The following AP5B1 variants were observed in gnomAD, a reference collection of about 807,000 sequenced individuals.
AP5B1 encodes adaptor related protein complex 5 subunit beta 1.
AP5B1 carries 3 observed loss-of-function variants against 5.7 expected under a neutral mutation model. That is an observed-to-expected ratio of 0.53 (90% CI 0.24 to 1.36). AP5B1 has a LOEUF of 1.36. AP5B1 is among the 40% of genes most tolerant of loss of function. The probability of loss-of-function intolerance (pLI) is 0.17; values close to 1 mark genes in which losing one functional copy is unlikely to be tolerated. For synonymous variants in AP5B1, 696 were observed against 555.5 expected, an observed-to-expected ratio of 1.25 and a Z score of -3.56; for missense variants, 1,310 against 1,143.2, an observed-to-expected ratio of 1.15 and a Z score of -2.10.
rs763900912 is a variant in AP5B1, at chr11:65,779,871, C to A, written c.622G>T (p.Gly208Trp). The change falls in exon 2 of 2, where the codon GGG becomes TGG. Residue 208 changes from glycine to tryptophan, a missense_variant. Transcript: ENST00000532090. The part of the protein sequence containing the change: ...VLQSRVGAGL[G>W]GLLTDKVSPT... The stretch of plus-strand genomic sequence containing the variant: ...GAGACCTTATCCGTGAGCAGTCCCC[C>A]CAGGCCAGCCCCAACCCGGGACTGG... 3 of 1,595,914 alleles carry A rather than the reference C, an allele frequency of 1.9e-6. No individual in the cohort carries two copies. Among genetic ancestry groups the A allele is most frequent in the South Asian group, 1.1e-5 (1 of 89,038 alleles).
Position 65,778,423 on chromosome 11 carries a change from G to T in AP5B1, c.2070C>A (p.Ile690=). The T allele has an allele frequency of 6.3e-7, 1 of 1,583,888 alleles. No individual in the cohort carries two copies. Among genetic ancestry groups the T allele is most frequent in the Non-Finnish European group, 8.6e-7 (1 of 1,168,612 alleles). The change falls in exon 2 of 2, where the codon ATC becomes ATA. Residue 690 remains isoleucine (I), a synonymous_variant. Coordinates refer to ENST00000532090, the MANE Select transcript of AP5B1 (RefSeq NM_138368.5). ...LKLQPEALEP[I]YSLELRFRVE... Reference sequence around the variant, plus strand: ...CACGGAAGCGCAGCTCCAGAGAGTAGATGGGCTCCAGCGCCTCCGGCTGGA... The same window carrying T: ...CACGGAAGCGCAGCTCCAGAGAGTATATGGGCTCCAGCGCCTCCGGCTGGA...
rs960614229 is a variant in AP5B1, at chr11:65,779,592, G to A, written c.901C>T (p.Gln301Ter). 2 of 1,606,116 alleles carry A rather than the reference G, an allele frequency of 1.2e-6. No individual in the cohort carries two copies. Among genetic ancestry groups the A allele is most frequent in the Non-Finnish European group, 1.7e-6 (2 of 1,177,006 alleles). The change falls in exon 2 of 2, where the codon CAG (glutamine) becomes TAG (stop). Residue 301 changes from glutamine to a stop codon, truncating the protein, a stop_gained. Transcript: ENST00000532090. LOFTEE classifies it low-confidence loss of function (END_TRUNC). ...WLLGWALRGL[Q>*]GQPPALFKPQ... ...TTGAAGAGTGCCGGTGGCTGTCCCT[G>A]CAGACCCCGCAGGGCCCAGCCCAGC...
chr11:65,777,976 C>T lies in AP5B1; in HGVS notation c.2517G>A (p.Lys839=), dbSNP rs865883337. ...CVAIHLPPDS[K]LLLRLEAALA... is the part of the protein sequence containing the mutation. ...GGGCCGCCTCCAGCCGCAGCAGCAG[C>T]TTTGAGTCCGGGGGCAGGTGGATTG... is the stretch of plus-strand genomic sequence containing the variant. The change falls in exon 2 of 2, where the codon AAG becomes AAA. Residue 839 remains lysine, a synonymous_variant. Coordinates refer to ENST00000532090, the MANE Select transcript of AP5B1 (RefSeq NM_138368.5). The T allele has an allele frequency of 6.2e-7, 1 of 1,606,186 alleles. No individual in the cohort carries two copies. The highest frequency in any genetic ancestry group is 1.7e-4 in the Middle Eastern group (1 of 6,054).
rs1857830900 is a variant in AP5B1 at position 65,780,159 on chromosome 11, G to GGCC, written c.331_333dup (p.Gly111dup). 1 of 1,477,180 alleles carries GGCC rather than the reference G, an allele frequency of 6.8e-7. No homozygotes were observed. The highest frequency in any genetic ancestry group is 8.9e-7 in the Non-Finnish European group (1 of 1,118,686). The allele number at this position is 1,477,180 out of a possible 1,614,324, so 91.5% of individuals were successfully genotyped here. A position where few individuals can be genotyped will look rare whatever the true frequency, so the allele number is the denominator to read the frequency against. On this transcript the variant is annotated inframe_insertion, in exon 2 of 2. Transcript: ENST00000532090. Reference sequence around the variant, plus strand: ...AGCCGGCAGGAGGCGCCCGAGGTGGGGCCCAGCGCGCCGCCCGCCGCCAGG... The same window carrying GGCC: ...AGCCGGCAGGAGGCGCCCGAGGTGGGGCCGCCCAGCGCGCCGCCCGCCGCCAGG...
chr11:65,777,699 A>G lies in AP5B1; in HGVS notation c.*157T>C. The G allele has an allele frequency of 1.2e-6, 1 of 821,676 alleles. No individual in the cohort carries two copies. The highest frequency in any genetic ancestry group is 1.8e-6 in the Non-Finnish European group (1 of 544,186). 50.9% of individuals were successfully genotyped at this position (821,676 alleles called of 1,614,324 possible). A position where few individuals can be genotyped will look rare whatever the true frequency, so the allele number is the denominator to read the frequency against. Reference sequence around the variant, plus strand: ...TAGAGCAGCAAAAACAGACTCAGACAGACCCTCACCCCCAGGAGCCTGCTC... The same window carrying G: ...TAGAGCAGCAAAAACAGACTCAGACGGACCCTCACCCCCAGGAGCCTGCTC... On this transcript the variant is annotated 3_prime_UTR_variant, in exon 2 of 2. Coordinates refer to ENST00000532090, the MANE Select transcript of AP5B1 (RefSeq NM_138368.5).
rs1555023479 is a variant in AP5B1 at position 65,779,117 on chromosome 11, CG to C, written c.1375del (p.Arg459GlyfsTer25). Reference sequence around the variant, plus strand: ...CTGGAAGCAGAGAGTGGCCAAGGCCCGGGGGCCCCCATCCAGGGCTGCCCGC... The same window carrying C: ...CTGGAAGCAGAGAGTGGCCAAGGCCCGGGGCCCCCATCCAGGGCTGCCCGC... The part of the protein sequence containing the change: ...RQRAALDGGP[R>X]ALATLCFQAS... On this transcript the variant is annotated frameshift_variant, in exon 2 of 2. Transcript: ENST00000532090. LOFTEE classifies it low-confidence loss of function (END_TRUNC). The C allele has an allele frequency of 1.9e-6, 3 of 1,608,162 alleles. No individual in the cohort carries two copies. Among genetic ancestry groups the C allele is most frequent in the Non-Finnish European group, 8.5e-7 (1 of 1,178,002 alleles).
At position 65,778,603 on chromosome 11, in the gene AP5B1, G is replaced by T; in HGVS notation, c.1890C>A (p.Ala630=). The T allele has an allele frequency of 6.3e-7, 1 of 1,594,460 alleles. No homozygotes were observed. Residue 630 remains alanine (A), a synonymous_variant, in exon 2 of 2, where the codon GCC becomes GCA. Coordinates refer to ENST00000532090, the MANE Select transcript of AP5B1 (RefSeq NM_138368.5). ...CAGGTGCGGCAAGCGAGGGGCCCAG[G>T]GCCACCCCCAACTTGGGTGCTGCCA... The part of the protein sequence containing the change: ...AHLAAPKLGV[A]LGPSLAAPAL...
Position 65,778,860 on chromosome 11 carries a change from C to T in AP5B1, c.1633G>A (p.Ala545Thr). The T allele has an allele frequency of 6.2e-7, 1 of 1,608,994 alleles. No homozygotes were observed. The highest frequency in any genetic ancestry group is 1.1e-5 in the South Asian group (1 of 90,520). The change falls in exon 2 of 2, where the codon GCA becomes ACA. Residue 545 changes from alanine to threonine, a missense_variant. Ala to Thr is a moderately conservative substitution (Grantham distance 58). Coordinates refer to ENST00000532090, the MANE Select transcript of AP5B1 (RefSeq NM_138368.5). The stretch of plus-strand genomic sequence containing the variant: ...TGGGCATCTCCATCTGCCACCTTTG[C>T]CAGCATTTGCAGGTGCCAGCAAAGA... ...EALCWHLQML[A>T]KVADGDAQSA...
rs1857779407 is a variant in AP5B1, at chr11:65,777,539, C to G, written c.*317G>C. 3.2e-6 allele frequency: 1 copy of G among 315,484 alleles called. No individual in the cohort carries two copies. The highest frequency in any genetic ancestry group is 7.2e-5 in the South Asian group (1 of 13,878). 19.5% of individuals were successfully genotyped at this position (315,484 alleles called of 1,614,324 possible). Reference sequence around the variant, plus strand: ...GCTCTCTCCCCTCACTCCTGTCACTCTGTCCTCTGTCATGGGAAGATGCAG... The same window carrying G: ...GCTCTCTCCCCTCACTCCTGTCACTGTGTCCTCTGTCATGGGAAGATGCAG... On this transcript the variant is annotated 3_prime_UTR_variant, in exon 2 of 2. Transcript: ENST00000532090.
In AP5B1 at chr11:65,779,161, C is replaced by T. The variant is rs769076520; in HGVS notation, c.1332G>A (p.Leu444=). Residue 444 remains leucine, a synonymous_variant, in exon 2 of 2, where the codon CTG becomes CTA. Transcript: ENST00000532090. ...CTGCCCGCTGCCGCAAGCCAGCCAG[C>T]AGCTCTTCCAGGTAGTGCCGTGGGC... is the stretch of plus-strand genomic sequence containing the variant. ...LPSPRHYLEE[L]LAGLRQRAAL... 6.2e-7 allele frequency: 1 copy of T among 1,611,536 alleles called. No individual in the cohort carries two copies. Among genetic ancestry groups the T allele is most frequent in the Non-Finnish European group, 8.5e-7 (1 of 1,179,310 alleles).
In AP5B1 at chr11:65,779,820, A is replaced by C. The variant is rs762435265; in HGVS notation, c.673T>G (p.Trp225Gly). 1 of 1,589,226 alleles carries C rather than the reference A, an allele frequency of 6.3e-7. No homozygotes were observed. The highest frequency in any genetic ancestry group is 1.1e-5 in the South Asian group (1 of 87,660). Residue 225 changes from tryptophan (W) to glycine (G), a missense_variant, in exon 2 of 2, where the codon TGG becomes GGG. Coordinates refer to ENST00000532090, the MANE Select transcript of AP5B1 (RefSeq NM_138368.5). The part of the protein sequence containing the change: ...VSPTGGGPWD[W>G]TLVEEGDGRL... ...CCATCGCCCTCCTCCACTAGTGTCC[A>C]ATCCCAGGGACCACCCCCAGTTGGG...
In AP5B1 at chr11:65,780,592, G is replaced by C. The variant is rs984796980; in HGVS notation, c.-1C>G. 6.9e-7 allele frequency: 1 copy of C among 1,440,810 alleles called. No homozygotes were observed. Among genetic ancestry groups the C allele is most frequent in the Non-Finnish European group, 9.1e-7 (1 of 1,099,540 alleles). 89.3% of individuals were successfully genotyped at this position (1,440,810 alleles called of 1,614,324 possible). A position where few individuals can be genotyped will look rare whatever the true frequency, so the allele number is the denominator to read the frequency against. ...AGGCGTCCCGGCTCAGGGGCCCCAT[G>C]GTGAGGCGCGCGGGCCCCTGCGCAG... On this transcript the variant is annotated 5_prime_UTR_variant, in exon 1 of 2. Transcript: ENST00000532090.
Position 65,780,343 on chromosome 11 carries a change from C to G in AP5B1, c.151-1G>C. The stretch of plus-strand genomic sequence containing the variant: ...CCATGCTCAGGGCCAGCAGGGAAAC[C>G]TGGATGGGGGATTAGGAGGGAATCA... On this transcript the variant is annotated splice_acceptor_variant, in intron 1 of 1. Transcript: ENST00000532090. LOFTEE classifies it high-confidence loss of function. 6.8e-7 allele frequency: 1 copy of G among 1,468,186 alleles called. No individual in the cohort carries two copies. The highest frequency in any genetic ancestry group is 9.0e-7 in the Non-Finnish European group (1 of 1,110,224). The allele number at this position is 1,468,186 out of a possible 1,614,324, so 90.9% of individuals were successfully genotyped here.
rs916011032 is a variant in AP5B1, at chr11:65,774,434, C to T, written c.*3422G>A. ...CACATTTCTTTTTTCTTTTTTGAGACGGAGTCCTGCTCTGTCATCCAGGCT... is the reference window on the plus strand; with the variant it reads ...CACATTTCTTTTTTCTTTTTTGAGATGGAGTCCTGCTCTGTCATCCAGGCT... On this transcript the variant is annotated 3_prime_UTR_variant, in exon 2 of 2. Coordinates refer to ENST00000532090, the MANE Select transcript of AP5B1 (RefSeq NM_138368.5). Among the ~76,000 whole-genome samples, 23 of 152,176 alleles carry T rather than the reference C, an allele frequency of 1.5e-4. No homozygotes were observed. Among genetic ancestry groups the T allele is most frequent in the African/African-American group, 4.8e-4 (20 of 41,508 alleles).
Position 65,777,954 on chromosome 11 carries a change from C to T in AP5B1, c.2539G>A (p.Ala847Thr), listed in dbSNP as rs1857786001. ...DSKLLLRLEA[A>T]LADGVPVALR... Reference sequence around the variant, plus strand: ...GCCACAGGCACTCCATCTGCCAGGGCCGCCTCCAGCCGCAGCAGCAGCTTT... The same window carrying T: ...GCCACAGGCACTCCATCTGCCAGGGTCGCCTCCAGCCGCAGCAGCAGCTTT... The change falls in exon 2 of 2, where the codon GCC becomes ACC. Residue 847 changes from alanine (A) to threonine (T), a missense_variant. Transcript: ENST00000532090. The T allele has an allele frequency of 3.2e-6, 5 of 1,584,236 alleles. No homozygotes were observed. The highest frequency in any genetic ancestry group is 4.3e-6 in the Non-Finnish European group (5 of 1,166,424).
chr11:65,778,190 A>G lies in AP5B1; in HGVS notation c.2303T>C (p.Leu768Pro), dbSNP rs1443574583. ...PLFVNFADLF[L>P]PFPQPPEGAG... ...CCCCTCTGGAGGCTGCGGGAAAGGC[A>G]GAAAGAGGTCGGCAAAGTTCACGAA... is the stretch of plus-strand genomic sequence containing the variant. The change falls in exon 2 of 2, where the codon CTG becomes CCG. Residue 768 changes from leucine (L) to proline (P), a missense_variant. Leu to Pro is a moderately conservative substitution (Grantham distance 98). Coordinates refer to ENST00000532090, the MANE Select transcript of AP5B1 (RefSeq NM_138368.5). The G allele has an allele frequency of 6.2e-7, 1 of 1,613,102 alleles. No homozygotes were observed. Among genetic ancestry groups the G allele is most frequent in the Admixed American group, 1.7e-5 (1 of 60,010 alleles).
Position 65,780,849 on chromosome 11 carries a change from C to A in AP5B1, c.-258G>T, listed in dbSNP as rs1857843335. On this transcript the variant is annotated 5_prime_UTR_variant, in exon 1 of 2. Coordinates refer to ENST00000532090, the MANE Select transcript of AP5B1 (RefSeq NM_138368.5). ...GTGCCGAGAGCTCGTTAGGCCGCCT[C>A]CCTCCCGCCCGCGGCCCGCACCGAA... The A allele has an allele frequency of 2.6e-5, 8 of 306,912 alleles. No individual in the cohort carries two copies. Among genetic ancestry groups the A allele is most frequent in the Non-Finnish European group, 4.7e-5 (8 of 168,436 alleles). 19.0% of individuals were successfully genotyped at this position (306,912 alleles called of 1,614,324 possible).
At position 65,778,933 on chromosome 11, in the gene AP5B1, C is replaced by T. The variant is rs1352056548; in HGVS notation, c.1560G>A (p.Lys520=). 5 of 1,612,996 alleles carry T rather than the reference C, an allele frequency of 3.1e-6. No individual in the cohort carries two copies. Among genetic ancestry groups the T allele is most frequent in the Non-Finnish European group, 2.5e-6 (3 of 1,179,792 alleles). ...QVDSELREPL[K]VVLRQVVVSR... The stretch of plus-strand genomic sequence containing the variant: ...ACACCACCACCTGCCGCAACACCAC[C>T]TTCAGGGGCTCCCTCAGCTCAGAGT... Residue 520 remains lysine, a synonymous_variant, in exon 2 of 2, where the codon AAG becomes AAA. Transcript: ENST00000532090.
At position 65,777,925 on chromosome 11, in the gene AP5B1, C is replaced by T. The variant is rs542385818; in HGVS notation, c.2568G>A (p.Leu856=). Residue 856 remains leucine, a synonymous_variant, in exon 2 of 2, where the codon CTG becomes CTA. Coordinates refer to ENST00000532090, the MANE Select transcript of AP5B1 (RefSeq NM_138368.5). ...AALADGVPVA[L]RTDDWAVLPL... ...GCAGCACGGCCCAGTCATCGGTCCG[C>T]AGGGCCACAGGCACTCCATCTGCCA... 82 of 1,563,120 alleles carry T rather than the reference C, an allele frequency of 5.2e-5. No homozygotes were observed. The East Asian group carries it at 1.7e-3, about 32-fold the overall frequency.
Sources: allele counts gnomAD v4.1 joint callset (sites outside exome capture counted in the v4.1 genomes callset), GRCh38; gene constraint gnomAD v4.1.1; transcripts MANE v1.5; gene names NCBI Gene and HGNC (gene_info 2026-07-23, HGNC 2026-07-21).